Variants in PTPRD observed in about 807,000 individuals in gnomAD.
PTPRD encodes receptor-type tyrosine-protein phosphatase delta.
PTPRD carries 34 observed loss-of-function variants against 214.5 expected under a neutral mutation model. That is an observed-to-expected ratio of 0.16 (90% CI 0.12 to 0.21). The LOEUF (loss-of-function observed/expected upper bound fraction) is 0.21, where lower values mean the gene tolerates loss of function less well. Ranked by LOEUF, PTPRD falls within the 10% of genes least tolerant of loss-of-function variation. The pLI is 1.00. For synonymous variants in PTPRD, 1,128 were observed against 845.7 expected (o/e 1.33, Z -5.79); for missense variants, 2,545 against 2,398.7 (o/e 1.06, Z -1.27).
At chr9:9,284,217 G>C (rs1948670059) in intron 9 of PTPRD, among the ~76,000 whole-genome samples, 1 of 151,610 alleles carries the variant, frequency 6.6e-6, no homozygotes, top group African/African-American at 2.4e-5. Context: ...GTTCCCTACA[G>C]CTGGGGTTAC....
At position 9,868,948 on chromosome 9, in the gene PTPRD, T is replaced by C. The variant is rs534207174; in HGVS notation, c.-368+69559A>G. Among the ~76,000 whole-genome samples, 34 of 152,168 alleles carry C rather than the reference T, an allele frequency of 2.2e-4. 2 individuals carry two copies. In the South Asian group the frequency reaches 3.1e-3, roughly 14 times the overall value. On this transcript the variant is annotated intron_variant, in intron 5 of 45. Coordinates refer to ENST00000381196, the MANE Select transcript of PTPRD (RefSeq NM_002839.4). The stretch of plus-strand genomic sequence containing the variant: ...AACCATTGACAAGGAAAAAAAAGAA[T>C]ATTTGCAAATATACAAGGATTCAGG...
intron 42 of PTPRD, among the ~76,000 whole-genome samples, 171 bp downstream of exon 42, chr9:8,340,172 T>G (rs1341894035): frequency 6.6e-6 from 1 of 152,132 alleles, no homozygotes; most frequent in East Asian, 1.9e-4. Context: ...TTTAAACACT[T>G]GATGTGGCTT....
chr9:10,475,605 A>T (rs1253742301), intron 2 of PTPRD, among the ~76,000 whole-genome samples: 1 of 152,286 alleles, frequency 6.6e-6, no homozygotes, highest in Middle Eastern at 3.4e-3. Flanking sequence ...AACAATAGAA[A>T]AAAAGGGACT....
chr9:10,551,516 A>G (rs2061352998), intron 2 of PTPRD, among the ~76,000 whole-genome samples: 2 of 152,158 alleles, frequency 1.3e-5, no homozygotes, highest in Admixed American at 6.5e-5. Flanking sequence ...CTGAAGAAGA[A>G]GGCCTCATGA....
chr9:10,347,586 T>C (rs144383146), intron 2 of PTPRD, among the ~76,000 whole-genome samples: 1 of 151,804 alleles, frequency 6.6e-6, no homozygotes, highest in Non-Finnish European at 1.5e-5. Context: ...AATTTTTACA[T>C]TTTTAGTAGA....
At chr9:9,997,019 T>C (rs923446882) in intron 4 of PTPRD, among the ~76,000 whole-genome samples, 1 of 152,204 alleles carries the variant, frequency 6.6e-6, no homozygotes, top group African/African-American at 2.4e-5. Flanking sequence ...AGCCCAGGCA[T>C]TGAATTTACT....
At chr9:10,474,852 A>G (rs558672185) in intron 2 of PTPRD, among the ~76,000 whole-genome samples, 28 of 152,294 alleles carry the variant, frequency 1.8e-4, no homozygotes, top group African/African-American at 6.3e-4. Context: ...ACAGAACTAC[A>G]TGGAAACTGA....
intron 3 of PTPRD, among the ~76,000 whole-genome samples, chr9:10,220,442 C>T (rs969230254): frequency 1.3e-5 from 2 of 151,940 alleles, no homozygotes; most frequent in African/African-American, 4.8e-5. Flanking sequence ...AAAAAGAATA[C>T]CCAGGCAAGT....
chr9:9,549,386 A>G (rs1302092352), intron 8 of PTPRD, among the ~76,000 whole-genome samples: 1 of 152,150 alleles, frequency 6.6e-6, no homozygotes, highest in Non-Finnish European at 1.5e-5. Context: ...ACATTTTAAA[A>G]TGAAACCATC....
intron 10 of PTPRD, among the ~76,000 whole-genome samples, chr9:9,024,354 T>G (rs1225950146): frequency 7.8e-6 from 1 of 127,802 alleles, no homozygotes; most frequent in African/African-American, 2.6e-5. Flanking sequence ...TTTTGTTTGT[T>G]TTTTTTTTTT....
intron 11 of PTPRD, among the ~76,000 whole-genome samples, chr9:8,992,313 T>C (rs554009296): frequency 6.6e-6 from 1 of 152,318 alleles, no homozygotes; most frequent in African/African-American, 2.4e-5. Context: ...GAAATCTTGC[T>C]GATAACTTAC....
chr9:10,522,752 C>G (rs184024190), intron 2 of PTPRD, among the ~76,000 whole-genome samples: 1 of 152,086 alleles, frequency 6.6e-6, no homozygotes, highest in African/African-American at 2.4e-5. Context: ...GAGAAAGAAA[C>G]TGAGGGTTCT....
chr9:9,194,970 C>G (rs1159826869), intron 9 of PTPRD, among the ~76,000 whole-genome samples: 3 of 150,532 alleles, frequency 2.0e-5, no homozygotes, highest in Non-Finnish European at 4.4e-5. Context: ...TTATCAAGGA[C>G]CAGTTGAACC....
chr9:10,108,383 G>A (rs1040029692), intron 3 of PTPRD, among the ~76,000 whole-genome samples: 1 of 151,834 alleles, frequency 6.6e-6, no homozygotes, highest in African/African-American at 2.4e-5. Flanking sequence ...ATTAACTATA[G>A]TCACTGTGAT....
intron 7 of PTPRD, among the ~76,000 whole-genome samples, chr9:9,699,267 G>GT (rs967873350): frequency 3.3e-5 from 5 of 151,864 alleles, no homozygotes; most frequent in African/African-American, 1.2e-4. Flanking sequence ...AGACCTAGGT[G>GT]TTTTTTCAAG....
At chr9:10,358,286 G>C (rs10121549) in intron 2 of PTPRD, among the ~76,000 whole-genome samples, 94,575 of 151,800 alleles carry the variant, frequency 0.62, 31,589 homozygotes, top group African/African-American at 0.87. Flanking sequence ...ACAGAACTAA[G>C]CATCTTTAAT....
intron 11 of PTPRD, among the ~76,000 whole-genome samples, chr9:8,994,279 A>G (rs2099388170): frequency 6.6e-6 from 1 of 152,122 alleles, no homozygotes. Flanking sequence ...CTTGAAAGGA[A>G]TGACATGGTC....
rs1337220870 is a variant in PTPRD, at chr9:10,060,865, C to CT, written c.-544-27076dup. On this transcript the variant is annotated intron_variant, in intron 3 of 45. Coordinates refer to ENST00000381196, the MANE Select transcript of PTPRD (RefSeq NM_002839.4). ...CTTCCTTTCCTTTCTTTCTTCCTTC[C>CT]TTCTTTCCTTCCTTCCTTCCTTCCT... is the stretch of plus-strand genomic sequence containing the variant. Among the ~76,000 whole-genome samples the CT allele has an allele frequency of 8.8e-4, 81 of 91,566 alleles. 3 individuals are homozygous for CT. The highest frequency in any genetic ancestry group is 6.1e-3 in the Middle Eastern group (1 of 164). 60.1% of individuals were successfully genotyped at this position (91,566 alleles called of 152,430 possible). A position where few individuals can be genotyped will look rare whatever the true frequency, so the allele number is the denominator to read the frequency against.
chr9:9,846,937 T>A (rs1291164695), intron 5 of PTPRD, among the ~76,000 whole-genome samples: 2 of 152,136 alleles, frequency 1.3e-5, no homozygotes, highest in East Asian at 1.9e-4. Flanking sequence ...GTGACTGTAC[T>A]GTGATGTGTA....
Sources: allele counts gnomAD v4.1 joint callset (sites outside exome capture counted in the v4.1 genomes callset), GRCh38; gene constraint gnomAD v4.1.1; transcripts MANE v1.5; gene names NCBI Gene and HGNC (gene_info 2026-07-23, HGNC 2026-07-21).